TRAPPC9: variants seen among roughly 807,000 people sequenced by gnomAD.
TRAPPC9 encodes trafficking protein particle complex subunit 9.
Under a neutral mutation model 124.0 loss-of-function variants are expected in TRAPPC9, and 83 were observed. The ratio of observed to expected loss-of-function variants is 0.67; its 90% CI spans 0.56 to 0.80. The LOEUF (loss-of-function observed/expected upper bound fraction) is 0.80, where lower values mean the gene tolerates loss of function less well. Ranked by LOEUF, TRAPPC9 falls within the 30% of genes least tolerant of loss-of-function variation. The pLI, the probability that TRAPPC9 is intolerant of heterozygous loss-of-function variation, is 0.00. For synonymous variants in TRAPPC9, 638 were observed against 617.5 expected (o/e 1.03, Z -0.49); for missense variants, 1,302 against 1,508.3 (o/e 0.86, Z 2.27).
intron 17 of TRAPPC9, among the ~76,000 whole-genome samples, chr8:140,057,816 C>T (rs542903389): frequency 2.1e-4 from 32 of 152,254 alleles, no homozygotes; most frequent in African/African-American, 6.7e-4. Flanking sequence ...TTGTTAAAAA[C>T]CATCTCAAGG....
rs546963449 is a variant in TRAPPC9, at chr8:139,980,931, G to A, written c.2810+7795C>T. On this transcript the variant is annotated intron_variant, in intron 19 of 22. Transcript: ENST00000438773. ...AGACCCAGAAGGAAAACCTCCTGTCGAAGGTTTCTGAGGAACAAAGAGGCG... is the reference window on the plus strand; with the variant it reads ...AGACCCAGAAGGAAAACCTCCTGTCAAAGGTTTCTGAGGAACAAAGAGGCG... Among the ~76,000 whole-genome samples, 23 of 152,288 alleles carry A rather than the reference G, an allele frequency of 1.5e-4. No individual in the cohort carries two copies. The East Asian group carries it at 2.1e-3, about 14-fold the overall frequency.
chr8:140,145,695 T>G (rs77959562), intron 17 of TRAPPC9, among the ~76,000 whole-genome samples: 6,274 of 152,164 alleles, frequency 0.041, 435 homozygotes, highest in African/African-American at 0.14. Context: ...TTAGTTTTTT[T>G]GGGGGGTTTT....
chr8:140,215,067 T>G, intron 17 of TRAPPC9, among the ~76,000 whole-genome samples: 1 of 152,126 alleles, frequency 6.6e-6, no homozygotes, highest in African/African-American at 2.4e-5. Context: ...CCACTTCACT[T>G]GCACAGCTCC....
At chr8:139,778,009 A>G (rs1300194309) in intron 21 of TRAPPC9, among the ~76,000 whole-genome samples, 1 of 152,168 alleles carries the variant, frequency 6.6e-6, no homozygotes, top group East Asian at 1.9e-4. Flanking sequence ...AGAGAGAGAA[A>G]AAAAAACCTA....
intron 17 of TRAPPC9, among the ~76,000 whole-genome samples, chr8:140,103,265 C>T (rs540495360): frequency 2.0e-5 from 3 of 152,160 alleles, no homozygotes; most frequent in Admixed American, 6.5e-5. Context: ...GCAGCATTAT[C>T]GGGGCAAATA....
intron 9 of TRAPPC9, among the ~76,000 whole-genome samples, chr8:140,313,550 T>C (rs908401525): frequency 6.6e-6 from 1 of 152,208 alleles, no homozygotes; most frequent in Non-Finnish European, 1.5e-5. Flanking sequence ...CACTATGCTG[T>C]GGAGGAATGT....
rs1818648919 is a variant in TRAPPC9, at chr8:139,742,747, C to G, written c.3056-10545G>C. Among the ~76,000 whole-genome samples, 1 of 152,166 alleles carries G rather than the reference C, an allele frequency of 6.6e-6. No individual in the cohort carries two copies. The highest frequency in any genetic ancestry group is 1.5e-5 in the Non-Finnish European group (1 of 68,028). On this transcript the variant is annotated intron_variant, in intron 21 of 22. Coordinates refer to ENST00000438773, the MANE Select transcript of TRAPPC9 (RefSeq NM_001160372.4). This position sits in a 1 kb window ranked among gnomAD's most constrained non-coding sequence, Gnocchi z 4.7. ...GTTGCTTTCAACTCTGATCTGCAGG[C>G]TGGGTGGGGGTAGGCAGCTGGCAGA...
At chr8:140,364,456 T>C (rs1424130169) in intron 8 of TRAPPC9, among the ~76,000 whole-genome samples, 1 of 152,132 alleles carries the variant, frequency 6.6e-6, no homozygotes, top group African/African-American at 2.4e-5. Flanking sequence ...CTTTAAAAAC[T>C]TTCTTCTTCC....
chr8:140,350,284 C>T lies in TRAPPC9; in HGVS notation c.1495+9766G>A, dbSNP rs1461747318. Among the ~76,000 whole-genome samples, 4 of 150,954 alleles carry T rather than the reference C, an allele frequency of 2.6e-5. No homozygotes were observed. The East Asian group carries it at 7.7e-4, about 29-fold the overall frequency. On this transcript the variant is annotated intron_variant, in intron 9 of 22. Transcript: ENST00000438773. ...AGCGACGTCTGCTGCCACTTCCACCCTCCATCAAGGTGACTTTGATAGAGA... is the reference window on the plus strand; with the variant it reads ...AGCGACGTCTGCTGCCACTTCCACCTTCCATCAAGGTGACTTTGATAGAGA...
At chr8:140,136,343 C>T (rs547886734) in intron 17 of TRAPPC9, among the ~76,000 whole-genome samples, 4 of 152,286 alleles carry the variant, frequency 2.6e-5, no homozygotes, top group East Asian at 1.9e-4. Context: ...GACAGGGGCA[C>T]GAGGCCCGGC....
chr8:140,406,426 T>C (rs1394517644), intron 5 of TRAPPC9, among the ~76,000 whole-genome samples: 1 of 152,198 alleles, frequency 6.6e-6, no homozygotes, highest in East Asian at 1.9e-4. Flanking sequence ...CTCCCACAAA[T>C]CCTGTTTCCC....
At chr8:140,310,634 G>A (rs1010873854) in intron 10 of TRAPPC9, among the ~76,000 whole-genome samples, 3 of 152,124 alleles carry the variant, frequency 2.0e-5, no homozygotes, top group African/African-American at 7.2e-5. Flanking sequence ...AGAAAGGACG[G>A]CACATGGCAG....
chr8:139,824,610 G>C (rs773878756), intron 21 of TRAPPC9, among the ~76,000 whole-genome samples: 4 of 151,978 alleles, frequency 2.6e-5, no homozygotes, highest in Admixed American at 1.3e-4. Context: ...ACCCAGGCTG[G>C]AGTGCAGTGG....
chr8:140,268,984 G>A (rs545375769), intron 15 of TRAPPC9, among the ~76,000 whole-genome samples: 14 of 152,192 alleles, frequency 9.2e-5, no homozygotes, highest in Middle Eastern at 6.8e-3. Flanking sequence ...GGCTTGCCCC[G>A]GGGCTGGGGC....
chr8:140,228,153 T>G (rs146854698), intron 16 of TRAPPC9, among the ~76,000 whole-genome samples: 2 of 152,232 alleles, frequency 1.3e-5, no homozygotes, highest in Non-Finnish European at 2.9e-5. Flanking sequence ...GAGACACTAA[T>G]GCATAAGGTT....
At chr8:139,792,144 G>A (rs1391078985) in intron 21 of TRAPPC9, among the ~76,000 whole-genome samples, 1 of 152,144 alleles carries the variant, frequency 6.6e-6, no homozygotes, top group East Asian at 1.9e-4. Flanking sequence ...GAGGCTCTAG[G>A]GGTAGAGAGC....
chr8:139,732,069 G>T lies in TRAPPC9; in HGVS notation c.3189C>A (p.Val1063=). The T allele has an allele frequency of 1.2e-6, 2 of 1,605,642 alleles. No individual in the cohort carries two copies. Among genetic ancestry groups the T allele is most frequent in the Non-Finnish European group, 1.7e-6 (2 of 1,176,214 alleles). ...RSVGPFALTV[V]PFQDHQNGVH... is the part of the protein sequence containing the mutation. Reference sequence around the variant, plus strand: ...CGCCGTTCTGGTGGTCCTGGAAGGGGACCACAGTGAGGGCGAAGGGCCCTA... The same window carrying T: ...CGCCGTTCTGGTGGTCCTGGAAGGGTACCACAGTGAGGGCGAAGGGCCCTA... The change falls in exon 22 of 23, where the codon GTC becomes GTA. Residue 1063 remains valine (V), a synonymous_variant. Transcript: ENST00000438773.
chr8:139,920,809 C>T (rs1587219323), intron 19 of TRAPPC9, among the ~76,000 whole-genome samples: 1 of 152,230 alleles, frequency 6.6e-6, no homozygotes, highest in African/African-American at 2.4e-5. Flanking sequence ...GTTACAGTTC[C>T]ACACTTCCTT....
chr8:140,283,829 AT>A, intron 14 of TRAPPC9, 59 bp downstream of exon 14: 3 of 1,596,514 alleles, frequency 1.9e-6, no homozygotes, highest in Non-Finnish European at 2.6e-6. Context: ...AAAAAAAAAA[AT>A]GTAGGACCAA....
Sources: gnomAD v4.1 joint callset for allele counts (sites outside exome capture counted in the v4.1 genomes callset) on GRCh38, gnomAD v4.1.1 for gene constraint, Gnocchi (gnomAD v3.1) non-coding constraint, MANE v1.5 for transcripts, NCBI Gene and HGNC (gene_info 2026-07-23, HGNC 2026-07-21) for gene names.